Variants in TXNDC11 observed in about 807,000 individuals in gnomAD.
The protein encoded by TXNDC11 is thioredoxin domain containing 11, also known as thioredoxin domain-containing protein 11.
A neutral mutation model predicts 78.0 loss-of-function variants in TXNDC11; 68 were observed. That is an observed-to-expected ratio of 0.87 (90% confidence interval 0.72 to 1.07). The LOEUF (loss-of-function observed/expected upper bound fraction) is 1.07, where lower values mean the gene tolerates loss of function less well. Ranked by LOEUF, TXNDC11 falls within the 50% of genes least tolerant of loss-of-function variation. TXNDC11 has a pLI of 0.00. For synonymous variants in TXNDC11, 571 were observed against 495.2 expected (o/e 1.15, Z -2.03); for missense variants, 1,389 against 1,221.8 (o/e 1.14, Z -2.04).
intron 8 of TXNDC11, chr16:11,691,056 C>T: frequency 1.9e-6 from 1 of 538,824 alleles, no homozygotes. Flanking sequence ...TTACCCCCAC[C>T]ATGGGCTAAA....
At chr16:11,682,457 C>A (rs544483511) in intron 11 of TXNDC11, among the ~76,000 whole-genome samples, 1 of 152,242 alleles carries the variant, frequency 6.6e-6, no homozygotes. Flanking sequence ...CCACACCAGG[C>A]AGCCTAAGAA....
At chr16:11,723,861 C>T (rs1246027251) in intron 4 of TXNDC11, among the ~76,000 whole-genome samples, 1 of 152,088 alleles carries the variant, frequency 6.6e-6, no homozygotes, top group Non-Finnish European at 1.5e-5. Context: ...TGAATGTATG[C>T]TAAATAAGTG....
chr16:11,731,599 T>A (rs2052049379), intron 3 of TXNDC11, among the ~76,000 whole-genome samples: 1 of 152,018 alleles, frequency 6.6e-6, no homozygotes, highest in African/African-American at 2.4e-5. Flanking sequence ...GAAATTGACA[T>A]TAAGCTTACT....
chr16:11,738,702 C>G (rs1373007398), intron 1 of TXNDC11, among the ~76,000 whole-genome samples: 2 of 151,626 alleles, frequency 1.3e-5, no homozygotes, highest in African/African-American at 2.4e-5. Flanking sequence ...ATCCAAAATT[C>G]TGCTCTTTGG....
intron 4 of TXNDC11, among the ~76,000 whole-genome samples, chr16:11,729,035 G>A (rs1394185535): frequency 6.6e-6 from 1 of 151,498 alleles, no homozygotes; most frequent in Non-Finnish European, 1.5e-5. Flanking sequence ...AATCAATGGA[G>A]TACTGCTAAA....
At chr16:11,722,778 T>C (rs941676698) in intron 4 of TXNDC11, among the ~76,000 whole-genome samples, 2 of 152,230 alleles carry the variant, frequency 1.3e-5, no homozygotes, top group African/African-American at 4.8e-5. Context: ...AACTTGATCA[T>C]TGAAACAAAA....
At chr16:11,708,158 G>C (rs1289448349) in intron 5 of TXNDC11, among the ~76,000 whole-genome samples, 1 of 152,192 alleles carries the variant, frequency 6.6e-6, no homozygotes, top group Non-Finnish European at 1.5e-5. Context: ...GATTATGCCA[G>C]AGTGGTAATG....
intron 3 of TXNDC11, 38 bp from the exon 4 acceptor site, chr16:11,730,812 AAAATAATAC>A: frequency 2.1e-6 from 3 of 1,443,168 alleles, no homozygotes; most frequent in Non-Finnish European, 2.8e-6. Context: ...AAAAATAATA[AAAATAATAC>A]ACCATGCATT....
At chr16:11,740,819 TC>T (rs1022517578) in intron 1 of TXNDC11, among the ~76,000 whole-genome samples, 9 of 152,212 alleles carry the variant, frequency 5.9e-5, no homozygotes, top group African/African-American at 2.2e-4. Context: ...AACAGTATAT[TC>T]AAACTTTAAT....
chr16:11,706,230 G>C (rs1040460980), intron 5 of TXNDC11, among the ~76,000 whole-genome samples: 2 of 152,196 alleles, frequency 1.3e-5, no homozygotes, highest in African/African-American at 4.8e-5. Context: ...GGAACATCTG[G>C]GTAAAGAATT....
intron 5 of TXNDC11, among the ~76,000 whole-genome samples, chr16:11,709,238 T>A (rs2051267088): frequency 6.6e-6 from 1 of 150,660 alleles, no homozygotes; most frequent in Non-Finnish European, 1.5e-5. Context: ...TAAACTAACA[T>A]GTAACTTATA....
chr16:11,727,618 C>G (rs1191928015), intron 4 of TXNDC11, among the ~76,000 whole-genome samples: 1 of 151,986 alleles, frequency 6.6e-6, no homozygotes, highest in African/African-American at 2.4e-5. Flanking sequence ...AGAGACAGCT[C>G]TACTGATGAC....
chr16:11,693,084 C>G (rs1297982005), intron 7 of TXNDC11, among the ~76,000 whole-genome samples: 2 of 152,196 alleles, frequency 1.3e-5, no homozygotes, highest in Non-Finnish European at 2.9e-5. Flanking sequence ...TACAGAACCT[C>G]ACAGGCAGAA....
At chr16:11,742,440 G>C in intron 1 of TXNDC11, 37 bp downstream of exon 1, 2 of 1,362,300 alleles carry the variant, frequency 1.5e-6, no homozygotes, top group Non-Finnish European at 1.9e-6. Context: ...AGCAAGGGGA[G>C]CGCCCTAGCG....
chr16:11,731,419 T>C (rs1168604674), intron 3 of TXNDC11, among the ~76,000 whole-genome samples: 3 of 152,208 alleles, frequency 2.0e-5, no homozygotes, highest in Non-Finnish European at 4.4e-5. Context: ...TGCCGCTAAG[T>C]GATACCACCA....
intron 4 of TXNDC11, among the ~76,000 whole-genome samples, chr16:11,729,992 G>T (rs1002605010): frequency 6.6e-6 from 1 of 152,130 alleles, no homozygotes; most frequent in African/African-American, 2.4e-5. Context: ...TACTTGGGTG[G>T]CTGAGGCACA....
chr16:11,702,150 A>T (rs1029534460), intron 5 of TXNDC11, among the ~76,000 whole-genome samples: 1 of 151,970 alleles, frequency 6.6e-6, no homozygotes, highest in South Asian at 2.1e-4. Context: ...TTAGAAATGT[A>T]TAAAGAATCT....
intron 5 of TXNDC11, among the ~76,000 whole-genome samples, chr16:11,712,038 G>A (rs1204798626): frequency 1.3e-5 from 2 of 152,140 alleles, no homozygotes; most frequent in African/African-American, 4.8e-5. Context: ...TATTTTCTAA[G>A]ATTGTAATGC....
At chr16:11,695,523 G>T (rs958263491) in intron 7 of TXNDC11, among the ~76,000 whole-genome samples, 2 of 152,180 alleles carry the variant, frequency 1.3e-5, no homozygotes, top group African/African-American at 4.8e-5. Flanking sequence ...CTCATCTTGC[G>T]TAAGTACAGC....
Sources: gnomAD v4.1 joint callset for allele counts (sites outside exome capture counted in the v4.1 genomes callset) on GRCh38, gnomAD v4.1.1 for gene constraint, MANE v1.5 for transcripts, NCBI Gene and HGNC (gene_info 2026-07-23, HGNC 2026-07-21) for gene names.